Variants in ATP11A observed in about 807,000 individuals in gnomAD.
ATP11A encodes the protein ATPase phospholipid transporting 11A.
A neutral mutation model predicts 154.4 loss-of-function variants in ATP11A; 81 were observed. The observed-to-expected ratio is 0.52, with a 90% CI of 0.44 to 0.63. The LOEUF is 0.63. Among genes scored for constraint, ATP11A ranks in the 30% least tolerant of loss-of-function variants. The pLI, the probability that ATP11A is intolerant of heterozygous loss-of-function variation, is 0.00. For missense variants in ATP11A, 1,316 were observed against 1,474.3 expected (o/e 0.89, Z 1.76); for synonymous variants, 623 against 585.9 (o/e 1.06, Z -0.91).
intron 1 of ATP11A, among the ~76,000 whole-genome samples, chr13:112,774,364 C>A (rs1219216840): frequency 6.6e-6 from 1 of 152,144 alleles, no homozygotes; most frequent in African/African-American, 2.4e-5. Flanking sequence ...TGGTTGAGGA[C>A]CATGTCTTCC....
At chr13:112,803,098 A>G (rs1314331258) in intron 2 of ATP11A, among the ~76,000 whole-genome samples, 5 of 152,186 alleles carry the variant, frequency 3.3e-5, no homozygotes, top group Admixed American at 3.3e-4. Context: ...TTTTACCCTC[A>G]TTAAGGAACT....
At chr13:112,835,213 A>G (rs959417579) in intron 15 of ATP11A, among the ~76,000 whole-genome samples, 27 of 152,218 alleles carry the variant, frequency 1.8e-4, no homozygotes, top group African/African-American at 6.5e-4. Flanking sequence ...TCTGTCCCAA[A>G]TTGCTTGTCC....
chr13:112,818,132 C>G (rs1452715080), intron 6 of ATP11A, among the ~76,000 whole-genome samples: 1 of 151,168 alleles, frequency 6.6e-6, no homozygotes, highest in East Asian at 2.0e-4. Context: ...CGTTTGTGCG[C>G]TTGGTGACAC....
At chr13:112,781,154 C>T (rs2077489188) in intron 1 of ATP11A, among the ~76,000 whole-genome samples, 1 of 152,184 alleles carries the variant, frequency 6.6e-6, no homozygotes, top group Non-Finnish European at 1.5e-5. Context: ...TCTCCTGCCT[C>T]AGCCTCCCAA....
intron 25 of ATP11A, among the ~76,000 whole-genome samples, chr13:112,867,551 C>T (rs967016896): frequency 3.3e-5 from 5 of 152,220 alleles, no homozygotes; most frequent in Non-Finnish European, 5.9e-5. Context: ...TCTGCAGCGT[C>T]TCCGCCTTCT....
Position 112,785,001 on chromosome 13 carries a change from G to T in ATP11A, c.40-134G>T. On this transcript the variant is annotated intron_variant, in intron 1 of 29. Coordinates refer to ENST00000375645, the MANE Select transcript of ATP11A (RefSeq NM_015205.3). The surrounding 1 kb of genome is among the most constrained non-coding windows in gnomAD (Gnocchi z 4.8). ...GGGGTGCTGGGCCCCAGGTCTCCCT[G>T]CAGCCCTGAACGATGCTCTCAGCAG... 1 of 1,184,738 alleles carries T rather than the reference G, an allele frequency of 8.4e-7. No homozygotes were observed. 73.4% of individuals were successfully genotyped at this position (1,184,738 alleles called of 1,614,324 possible). A position where few individuals can be genotyped will look rare whatever the true frequency, so the allele number is the denominator to read the frequency against.
intron 1 of ATP11A, among the ~76,000 whole-genome samples, chr13:112,691,774 G>A (rs1885229953): frequency 6.6e-6 from 1 of 152,078 alleles, no homozygotes; most frequent in East Asian, 1.9e-4. Flanking sequence ...TTCAGTGGGG[G>A]ATGCCAGATC....
chr13:112,877,022 A>G (rs1034536343), intron 28 of ATP11A, among the ~76,000 whole-genome samples: 2 of 152,184 alleles, frequency 1.3e-5, no homozygotes, highest in African/African-American at 4.8e-5. Flanking sequence ...TCCCTCCTTC[A>G]TGCCTCCTGC....
intron 1 of ATP11A, among the ~76,000 whole-genome samples, chr13:112,755,359 T>C (rs2076796519): frequency 6.6e-6 from 1 of 152,084 alleles, no homozygotes; most frequent in African/African-American, 2.4e-5. Context: ...GCTTGGACAG[T>C]CTCTCTACAC....
chr13:112,762,522 A>G (rs1365297257), intron 1 of ATP11A, among the ~76,000 whole-genome samples: 8 of 152,088 alleles, frequency 5.3e-5, no homozygotes, highest in African/African-American at 1.9e-4. Context: ...GGAGGAGACC[A>G]CGATAAACTC....
chr13:112,856,118 C>A, intron 20 of ATP11A, 33 bp downstream of exon 20: 1 of 1,590,762 alleles, frequency 6.3e-7, no homozygotes, highest in South Asian at 1.1e-5. Context: ...AGCTGGTGGT[C>A]AGGGCGTCCA....
intron 1 of ATP11A, among the ~76,000 whole-genome samples, chr13:112,705,214 G>A (rs1053750217): frequency 2.6e-5 from 4 of 151,928 alleles, no homozygotes; most frequent in Non-Finnish European, 4.4e-5. Flanking sequence ...CATGGTGGCT[G>A]GAGTTTCCTT....
intron 2 of ATP11A, among the ~76,000 whole-genome samples, chr13:112,801,724 A>G (rs1200316009): frequency 2.6e-5 from 4 of 152,266 alleles, no homozygotes; most frequent in Non-Finnish European, 4.4e-5. Flanking sequence ...TATAAATCTA[A>G]CAAGATATGT....
intron 13 of ATP11A, among the ~76,000 whole-genome samples, chr13:112,831,752 G>A (rs1337010413): frequency 6.6e-6 from 1 of 152,234 alleles, no homozygotes; most frequent in East Asian, 1.9e-4. Context: ...AATTGGTTAT[G>A]AAAACCATAG....
In ATP11A at chr13:112,886,283, G is replaced by A. The variant is rs1005076607; in HGVS notation, c.*4417G>A. The A allele has an allele frequency of 2.0e-5, 2 of 100,660 alleles. No homozygotes were observed. The highest frequency in any genetic ancestry group is 1.2e-4 in the Admixed American group (1 of 8,272). 6.2% of individuals were successfully genotyped at this position (100,660 alleles called of 1,614,324 possible). ...TTAGACAGGCTGTGGGGACTCCCCTGAGTTGAGCCTTGGCCAGGGGTCCGG... is the reference window on the plus strand; with the variant it reads ...TTAGACAGGCTGTGGGGACTCCCCTAAGTTGAGCCTTGGCCAGGGGTCCGG... On this transcript the variant is annotated 3_prime_UTR_variant, in exon 30 of 30. Coordinates refer to ENST00000375645, the MANE Select transcript of ATP11A (RefSeq NM_015205.3).
At chr13:112,702,781 G>A (rs1201082696) in intron 1 of ATP11A, among the ~76,000 whole-genome samples, 3 of 152,264 alleles carry the variant, frequency 2.0e-5, no homozygotes, top group Non-Finnish European at 4.4e-5. Flanking sequence ...CTTGAAGAGC[G>A]GGCGGTGTGC....
chr13:112,789,237 T>G (rs925950768), intron 2 of ATP11A, among the ~76,000 whole-genome samples: 3 of 149,662 alleles, frequency 2.0e-5, no homozygotes, highest in African/African-American at 5.1e-5. Context: ...GATACCTACT[T>G]AATCCACACC....
At chr13:112,794,651 C>T (rs1228050395) in intron 2 of ATP11A, among the ~76,000 whole-genome samples, 1 of 152,078 alleles carries the variant, frequency 6.6e-6, no homozygotes, top group African/African-American at 2.4e-5. Context: ...GGGCGGATCA[C>T]GAGGTCAGGA....
At chr13:112,731,538 G>C (rs977041528) in intron 1 of ATP11A, among the ~76,000 whole-genome samples, 2 of 152,148 alleles carry the variant, frequency 1.3e-5, no homozygotes, top group African/African-American at 4.8e-5. Context: ...TTATTTATGA[G>C]TAAAGTTTTA....
Sources: allele counts gnomAD v4.1 joint callset (sites outside exome capture counted in the v4.1 genomes callset), GRCh38; gene constraint gnomAD v4.1.1; non-coding constraint Gnocchi (gnomAD v3.1); transcripts MANE v1.5; gene names NCBI Gene and HGNC (gene_info 2026-07-23, HGNC 2026-07-21).